RAB27B: variants seen among roughly 807,000 people sequenced by gnomAD.
RAB27B encodes ras-related protein Rab-27B.
Under a neutral mutation model 24.6 loss-of-function variants are expected in RAB27B, and 15 were observed. That is an observed-to-expected ratio of 0.61 (90% CI 0.41 to 0.94). The LOEUF is 0.94. RAB27B is among the 40% of genes least tolerant of loss of function. The pLI is 0.00. For synonymous variants in RAB27B, 105 were observed against 92.5 expected (o/e 1.14, Z -0.78); for missense variants, 261 against 266.8 (o/e 0.98, Z 0.15).
chr18:54,860,715 A>T (rs1911977681), intron 1 of RAB27B, among the ~76,000 whole-genome samples: 2 of 152,222 alleles, frequency 1.3e-5, no homozygotes, highest in Non-Finnish European at 2.9e-5. Context: ...TTTTCTGTTC[A>T]GCTTCAAATC....
chr18:54,729,168 T>C (rs1909652182), intron 2 of RAB27B, among the ~76,000 whole-genome samples: 1 of 152,128 alleles, frequency 6.6e-6, no homozygotes, highest in South Asian at 2.1e-4. Context: ...TTTGTAAAGT[T>C]TCTATTTATT....
chr18:54,877,888 A>G, intron 2 of RAB27B, 150 bp downstream of exon 2: 1 of 863,208 alleles, frequency 1.2e-6, no homozygotes, highest in Non-Finnish European at 1.6e-6. Flanking sequence ...ATTATTTACT[A>G]CTTTTCAACT....
intron 4 of RAB27B, among the ~76,000 whole-genome samples, chr18:54,884,759 A>G (rs778792699): frequency 6.6e-6 from 1 of 152,190 alleles, no homozygotes; most frequent in African/African-American, 2.4e-5. Flanking sequence ...TAAGTCTTGA[A>G]GGACTTCTTA....
chr18:54,773,618 AG>A (rs1239694591), intron 2 of RAB27B, among the ~76,000 whole-genome samples: 11 of 152,112 alleles, frequency 7.2e-5, no homozygotes, highest in Non-Finnish European at 1.3e-4. Context: ...CTTTGCCATG[AG>A]GATTCACATT....
intron 2 of RAB27B, among the ~76,000 whole-genome samples, chr18:54,745,947 G>A (rs1910231276): frequency 6.6e-6 from 1 of 150,922 alleles, no homozygotes; most frequent in African/African-American, 2.5e-5. Flanking sequence ...ACTGCAGTCT[G>A]GTTGATGAAA....
chr18:54,788,768 G>A (rs1909165857), intron 2 of RAB27B, among the ~76,000 whole-genome samples: 1 of 151,062 alleles, frequency 6.6e-6, no homozygotes, highest in East Asian at 2.0e-4. Context: ...TCTCCCAACA[G>A]TGGCATCTAG....
At chr18:54,850,112 A>G (rs1390725224) in intron 1 of RAB27B, among the ~76,000 whole-genome samples, 1 of 151,828 alleles carries the variant, frequency 6.6e-6, no homozygotes, top group Non-Finnish European at 1.5e-5. Flanking sequence ...ATCTCATGTT[A>G]TATCCTGTCC....
upstream of RAB27B, among the ~76,000 whole-genome samples, chr18:54,826,463 C>T (rs1468057265): frequency 2.0e-5 from 3 of 152,108 alleles, no homozygotes; most frequent in African/African-American, 7.2e-5. Flanking sequence ...GGAAATGTTC[C>T]ACCACTCTCT....
At chr18:54,814,443 T>G (rs753388718) in intron 2 of RAB27B, among the ~76,000 whole-genome samples, 3 of 152,208 alleles carry the variant, frequency 2.0e-5, no homozygotes, top group African/African-American at 4.8e-5. Context: ...TTTCTTCATG[T>G]GTTGTTGTGT....
At chr18:54,772,134 T>C (rs922098060) in intron 2 of RAB27B, among the ~76,000 whole-genome samples, 2 of 152,210 alleles carry the variant, frequency 1.3e-5, no homozygotes, top group Non-Finnish European at 2.9e-5. Context: ...TCTCGTCACC[T>C]CTAGTGACAA....
In RAB27B at chr18:54,879,351, G is replaced by A; in HGVS notation, c.154-18G>A. On this transcript the variant is annotated intron_variant, in intron 2 of 5. Coordinates refer to ENST00000262094, the MANE Select transcript of RAB27B (RefSeq NM_004163.4). ...AAAATCCAAAGCAACCTCAACTAAT[G>A]AACGTTGTATCTTTCAGGTTTATAA... 1 of 1,590,820 alleles carries A rather than the reference G, an allele frequency of 6.3e-7. No individual in the cohort carries two copies. The highest frequency in any genetic ancestry group is 8.6e-7 in the Non-Finnish European group (1 of 1,159,138).
At chr18:54,827,670 A>G (rs75048192), upstream of RAB27B, among the ~76,000 whole-genome samples, 2,229 of 152,334 alleles carry the variant, frequency 0.015, 44 homozygotes, top group African/African-American at 0.051. Flanking sequence ...GTTTACTAAC[A>G]TGAATGCAAG....
chr18:54,807,404 A>G (rs1262138667), intron 2 of RAB27B, among the ~76,000 whole-genome samples: 2 of 152,212 alleles, frequency 1.3e-5, no homozygotes, highest in Non-Finnish European at 2.9e-5. Flanking sequence ...AGCAGTGGGC[A>G]GAAGTGTTGG....
chr18:54,834,282 G>A (rs1910807009), intron 1 of RAB27B, among the ~76,000 whole-genome samples: 1 of 152,130 alleles, frequency 6.6e-6, no homozygotes, highest in African/African-American at 2.4e-5. Flanking sequence ...ATAATTTTGG[G>A]AACAGTTTCA....
chr18:54,877,513 G>A (rs1912749831), intron 1 of RAB27B, 54 bp from the exon 2 acceptor site: 2 of 1,269,562 alleles, frequency 1.6e-6, no homozygotes, highest in Non-Finnish European at 2.1e-6. Flanking sequence ...TTGATATAAA[G>A]CAAAGGAAAA....
chr18:54,751,503 A>C (rs1907830854), intron 2 of RAB27B, among the ~76,000 whole-genome samples: 1 of 152,170 alleles, frequency 6.6e-6, no homozygotes, highest in African/African-American at 2.4e-5. Flanking sequence ...GGCATATGAG[A>C]AATTAAATAG....
intron 2 of RAB27B, among the ~76,000 whole-genome samples, chr18:54,733,733 C>T (rs1909803486): frequency 7.1e-6 from 1 of 140,868 alleles, no homozygotes; most frequent in Non-Finnish European, 1.5e-5. Flanking sequence ...ACTCTAGAAG[C>T]AGGTCCTGCA....
At chr18:54,755,087 A>G (rs1907959393) in intron 2 of RAB27B, among the ~76,000 whole-genome samples, 1 of 152,164 alleles carries the variant, frequency 6.6e-6, no homozygotes, top group African/African-American at 2.4e-5. Context: ...GCTTACTTGC[A>G]TTTTTAAACA....
chr18:54,731,287 G>C (rs942202381), intron 2 of RAB27B, among the ~76,000 whole-genome samples: 1 of 152,108 alleles, frequency 6.6e-6, no homozygotes, highest in African/African-American at 2.4e-5. Context: ...AATATATAGA[G>C]CAACAAAAAA....
Sources: gnomAD v4.1 joint callset for allele counts (sites outside exome capture counted in the v4.1 genomes callset) on GRCh38, gnomAD v4.1.1 for gene constraint, MANE v1.5 for transcripts, NCBI Gene and HGNC (gene_info 2026-07-23, HGNC 2026-07-21) for gene names.